Variants in SPATS2L observed in about 807,000 individuals in gnomAD.
The protein encoded by SPATS2L is SPATS2-like protein.
A neutral mutation model predicts 59.6 loss-of-function variants in SPATS2L; 30 were observed. The ratio of observed to expected loss-of-function variants is 0.50; its 90% CI spans 0.38 to 0.68. SPATS2L has a LOEUF of 0.68. Ranked by LOEUF, SPATS2L falls within the 30% of genes least tolerant of loss-of-function variation. The pLI is 0.00. For synonymous variants in SPATS2L, 252 were observed against 263.5 expected (o/e 0.96, Z 0.42); for missense variants, 615 against 700.0 (o/e 0.88, Z 1.37).
intron 2 of SPATS2L, among the ~76,000 whole-genome samples, chr2:200,365,368 C>A (rs995320296): frequency 1.3e-5 from 2 of 152,198 alleles, no homozygotes; most frequent in Non-Finnish European, 2.9e-5. Context: ...AGGATGACAG[C>A]TGTACCGGCT....
chr2:200,456,966 C>T (rs1462630322), intron 8 of SPATS2L, among the ~76,000 whole-genome samples: 1 of 152,168 alleles, frequency 6.6e-6, no homozygotes, highest in Non-Finnish European at 1.5e-5. Flanking sequence ...CTCTCACATC[C>T]TTCTCAGCTC....
At chr2:200,374,351 TG>T (rs1190896918) in intron 2 of SPATS2L, among the ~76,000 whole-genome samples, 1 of 152,176 alleles carries the variant, frequency 6.6e-6, no homozygotes, top group Non-Finnish European at 1.5e-5. Flanking sequence ...CTCAAAGTAG[TG>T]CAAAAGAGCA....
chr2:200,415,529 T>C (rs1048235663), intron 4 of SPATS2L, among the ~76,000 whole-genome samples: 1 of 152,172 alleles, frequency 6.6e-6, no homozygotes, highest in Non-Finnish European at 1.5e-5. Flanking sequence ...ACAACTGATA[T>C]CCTCATTACC....
intron 2 of SPATS2L, chr2:200,351,102 T>C (rs578061977): frequency 4.7e-4 from 184 of 389,912 alleles, no homozygotes; most frequent in African/African-American, 3.6e-3. Flanking sequence ...ATCATGTTTA[T>C]GCAAGTGTTT....
At chr2:200,404,079 T>C (rs2082616105) in intron 3 of SPATS2L, among the ~76,000 whole-genome samples, 1 of 152,254 alleles carries the variant, frequency 6.6e-6, no homozygotes, top group Admixed American at 6.5e-5. Context: ...GTTTCTCTTA[T>C]TTCCAGTGGA....
intron 1 of SPATS2L, among the ~76,000 whole-genome samples, chr2:200,327,982 G>C (rs2105788121): frequency 6.6e-6 from 1 of 152,262 alleles, no homozygotes; most frequent in African/African-American, 2.4e-5. Context: ...TCGGTTTGTT[G>C]CATACAACAC....
At chr2:200,458,310 T>G (rs2085994745) in intron 8 of SPATS2L, among the ~76,000 whole-genome samples, 1 of 152,242 alleles carries the variant, frequency 6.6e-6, no homozygotes, top group South Asian at 2.1e-4. Context: ...GAGAGATGTC[T>G]TTTGTATTTC....
At chr2:200,357,260 A>G (rs968102922) in intron 2 of SPATS2L, among the ~76,000 whole-genome samples, 1 of 152,136 alleles carries the variant, frequency 6.6e-6, no homozygotes, top group Non-Finnish European at 1.5e-5. Context: ...ATCGGTTACT[A>G]CATTCCTGAA....
At chr2:200,342,724 T>A (rs1168532412) in intron 2 of SPATS2L, among the ~76,000 whole-genome samples, 1 of 152,234 alleles carries the variant, frequency 6.6e-6, no homozygotes, top group Non-Finnish European at 1.5e-5. Flanking sequence ...TTGGGGGCTT[T>A]TCCAAGCGGA....
intron 8 of SPATS2L, among the ~76,000 whole-genome samples, chr2:200,447,203 C>T (rs1478312538): frequency 3.3e-5 from 5 of 152,118 alleles, no homozygotes; most frequent in Non-Finnish European, 4.4e-5. Context: ...GGACTTGTTC[C>T]ATTAAATGTC....
intron 2 of SPATS2L, among the ~76,000 whole-genome samples, chr2:200,367,143 C>A (rs921256632): frequency 6.6e-6 from 1 of 152,116 alleles, no homozygotes; most frequent in African/African-American, 2.4e-5. Flanking sequence ...AAATTTTAGT[C>A]TGTATTTCGT....
At chr2:200,469,701 G>T in intron 10 of SPATS2L, 1 of 502,508 alleles carries the variant, frequency 2.0e-6, no homozygotes, top group East Asian at 3.2e-5. Flanking sequence ...AGAAACACAG[G>T]CCCCTCACAT....
At chr2:200,449,078 A>G (rs538836347) in intron 8 of SPATS2L, among the ~76,000 whole-genome samples, 2 of 152,368 alleles carry the variant, frequency 1.3e-5, no homozygotes, top group South Asian at 4.1e-4. Context: ...GTAGTGCAGT[A>G]TATTTCAAAT....
intron 2 of SPATS2L, among the ~76,000 whole-genome samples, chr2:200,331,891 C>G (rs1287998463): frequency 2.0e-5 from 3 of 152,168 alleles, no homozygotes; most frequent in South Asian, 2.1e-4. Flanking sequence ...CTACGGTCCA[C>G]TTGGAGAACA....
intron 8 of SPATS2L, among the ~76,000 whole-genome samples, chr2:200,457,473 T>A (rs1020651605): frequency 9.9e-5 from 15 of 151,978 alleles, no homozygotes; most frequent in African/African-American, 3.6e-4. Flanking sequence ...GGATAAAGAG[T>A]TCCTTCTCAC....
At chr2:200,366,676 T>C (rs2081278215) in intron 2 of SPATS2L, among the ~76,000 whole-genome samples, 3 of 152,234 alleles carry the variant, frequency 2.0e-5, no homozygotes, top group Admixed American at 2.0e-4. Context: ...AAATGTGCAG[T>C]ATTAATTGTA....
rs1559160381 is a variant in SPATS2L, at chr2:200,468,362, A to ACACACACACACACACACACACACACG, written c.957+980_957+981insACACACACGCACACACACACACACAC. Among the ~76,000 whole-genome samples, 2 of 151,128 alleles carry ACACACACACACACACACACACACACG rather than the reference A, an allele frequency of 1.3e-5. 1 individual carries two copies. The highest frequency in any genetic ancestry group is 3.0e-5 in the Non-Finnish European group (2 of 67,596). On this transcript the variant is annotated intron_variant, in intron 10 of 12. Coordinates refer to ENST00000409140, the MANE Select transcript of SPATS2L (RefSeq NM_001100423.2). The stretch of plus-strand genomic sequence containing the variant: ...CCCAGTATACTACACACACACACAC[A>ACACACACACACACACACACACACACG]CACACACACACACACACGCCTTCCA...
At chr2:200,421,669 GACA>G (rs1364264412) in intron 6 of SPATS2L, among the ~76,000 whole-genome samples, 1 of 152,104 alleles carries the variant, frequency 6.6e-6, no homozygotes, top group Non-Finnish European at 1.5e-5. Flanking sequence ...ACCGAACAAT[GACA>G]ACAACAAAAA....
upstream of SPATS2L, chr2:200,306,020 G>A: frequency 1.0e-6 from 1 of 985,312 alleles, no homozygotes; most frequent in Non-Finnish European, 1.2e-6. Context: ...CGATGCCCAT[G>A]TGTAACTTGG....
Sources: gnomAD v4.1 joint callset for allele counts (sites outside exome capture counted in the v4.1 genomes callset) on GRCh38, gnomAD v4.1.1 for gene constraint, MANE v1.5 for transcripts, NCBI Gene and HGNC (gene_info 2026-07-23, HGNC 2026-07-21) for gene names.